Variants in VSIG10 observed in about 807,000 individuals in gnomAD.
VSIG10 encodes V-set and immunoglobulin domain-containing protein 10.
VSIG10 carries 48 observed loss-of-function variants against 58.7 expected under a neutral mutation model. The ratio of observed to expected loss-of-function variants is 0.82; its 90% CI spans 0.65 to 1.04. The LOEUF (loss-of-function observed/expected upper bound fraction) is 1.04. VSIG10 is among the 50% of genes least tolerant of loss of function. The pLI is 0.00. For synonymous variants in VSIG10, 260 were observed against 267.1 expected (o/e 0.97, Z 0.26); for missense variants, 628 against 670.0 (o/e 0.94, Z 0.69).
At chr12:118,079,652 G>A in intron 3 of VSIG10, 46 bp from the exon 4 acceptor site, 1 of 1,603,314 alleles carries the variant, frequency 6.2e-7, no homozygotes, top group South Asian at 1.1e-5. Context: ...CAGACTCTAG[G>A]ATCAGCCACT....
At chr12:118,089,555 G>A (rs764693082) in intron 2 of VSIG10, among the ~76,000 whole-genome samples, 12 of 152,282 alleles carry the variant, frequency 7.9e-5, no homozygotes, top group Admixed American at 4.6e-4. Context: ...GCACTTGCCC[G>A]TAGGCTCACA....
chr12:118,069,502 C>T (rs1462315338), intron 7 of VSIG10, among the ~76,000 whole-genome samples: 1 of 148,084 alleles, frequency 6.8e-6, no homozygotes. Flanking sequence ...CATGGCTCAC[C>T]GCAACCTCTG....
intron 2 of VSIG10, among the ~76,000 whole-genome samples, chr12:118,085,306 T>C (rs2033088169): frequency 1.3e-5 from 2 of 152,166 alleles, no homozygotes; most frequent in Admixed American, 1.3e-4. Context: ...CATCACTGGC[T>C]AGAGAGGAGG....
At chr12:118,096,578 C>CAAA (rs371525608) in intron 1 of VSIG10, among the ~76,000 whole-genome samples, 1 of 116,782 alleles carries the variant, frequency 8.6e-6, no homozygotes, top group African/African-American at 3.2e-5. Flanking sequence ...AACTCCGTCT[C>CAAA]AAAAAAAAAA....
intron 2 of VSIG10, among the ~76,000 whole-genome samples, chr12:118,090,454 A>G (rs566965822): frequency 7.9e-5 from 12 of 152,296 alleles, no homozygotes; most frequent in African/African-American, 2.9e-4. Context: ...ACTTCCACAT[A>G]TCTTTTTGGG....
At chr12:118,097,491 T>C (rs935784372) in intron 1 of VSIG10, among the ~76,000 whole-genome samples, 1 of 150,444 alleles carries the variant, frequency 6.6e-6, no homozygotes, top group Admixed American at 6.7e-5. Context: ...GGCGCACACC[T>C]GTAGTCCCAG....
chr12:118,091,337 A>G (rs1317002756), intron 2 of VSIG10, among the ~76,000 whole-genome samples: 2 of 151,808 alleles, frequency 1.3e-5, no homozygotes, highest in African/African-American at 4.8e-5. Context: ...CTAAAAATAC[A>G]AAAAATTAGC....
chr12:118,095,917 T>C, intron 1 of VSIG10, 103 bp from the exon 2 acceptor site: 2 of 1,290,728 alleles, frequency 1.5e-6, no homozygotes, highest in Admixed American at 3.0e-5. Context: ...AAATCAGGTA[T>C]ATGTTCTTTT....
At position 118,078,937 on chromosome 12, in the gene VSIG10, T is replaced by TAAAAAAAAAAAA. The variant is rs35469920; in HGVS notation, c.925+397_925+408dup. Among the ~76,000 whole-genome samples the TAAAAAAAAAAAA allele has an allele frequency of 1.8e-3, 72 of 39,914 alleles. 1 individual carries two copies. The highest frequency in any genetic ancestry group is 6.2e-3 in the African/African-American group (67 of 10,774). The allele number at this position is 39,914 out of a possible 152,430, so 26.2% of individuals were successfully genotyped here. On this transcript the variant is annotated intron_variant, in intron 4 of 8. Transcript: ENST00000359236. ...CTGGGCAACAGAGCAAGACTCTGCC[T>TAAAAAAAAAAAA]AAAAAAAAAAAAAAAAAAAAAAAAA... is the stretch of plus-strand genomic sequence containing the variant.
Position 118,082,245 on chromosome 12 carries a change from T to G in VSIG10, c.546A>C (p.Thr182=), listed in dbSNP as rs757751090. 2 of 1,613,890 alleles carry G rather than the reference T, an allele frequency of 1.2e-6. No individual in the cohort carries two copies. The highest frequency in any genetic ancestry group is 1.7e-6 in the Non-Finnish European group (2 of 1,179,874). Residue 182 remains threonine (T), a synonymous_variant, in exon 3 of 9, where the codon ACA becomes ACC. Coordinates refer to ENST00000359236, the MANE Select transcript of VSIG10 (RefSeq NM_019086.6). ...SSSESFGHNL[T]VNFFSLLLIS... is the part of the protein sequence containing the mutation. Reference sequence around the variant, plus strand: ...TCAGTAACAGTGAGAAAAAGTTGACTGTCAGGTTGTGGCCAAAGGACTCGC... The same window carrying G: ...TCAGTAACAGTGAGAAAAAGTTGACGGTCAGGTTGTGGCCAAAGGACTCGC...
Position 118,068,201 on chromosome 12 carries a change from T to TC in VSIG10, c.1567+175_1567+176insG, listed in dbSNP as rs1593487522. Among the ~76,000 whole-genome samples, 2 of 144,398 alleles carry TC rather than the reference T, an allele frequency of 1.4e-5. 1 individual carries two copies. Among genetic ancestry groups the TC allele is most frequent in the African/African-American group, 5.1e-5 (2 of 39,332 alleles). 94.7% of individuals were successfully genotyped at this position (144,398 alleles called of 152,430 possible). On this transcript the variant is annotated intron_variant, in intron 8 of 8. Coordinates refer to ENST00000359236, the MANE Select transcript of VSIG10 (RefSeq NM_019086.6). Reference sequence around the variant, plus strand: ...CATGACCGGCTAATTTTTCTTTTTTTTTTTTTTTTTTTTCGTAGAGACAGA... The same window carrying TC: ...CATGACCGGCTAATTTTTCTTTTTTTCTTTTTTTTTTTTTCGTAGAGACAGA...
intron 2 of VSIG10, among the ~76,000 whole-genome samples, chr12:118,092,212 C>T (rs765697765): frequency 6.6e-6 from 1 of 152,126 alleles, no homozygotes; most frequent in Non-Finnish European, 1.5e-5. Context: ...TGCATGACAC[C>T]ATGCCCAGCT....
intron 3 of VSIG10, among the ~76,000 whole-genome samples, chr12:118,081,350 G>A (rs558486568): frequency 1.1e-4 from 17 of 151,790 alleles, no homozygotes; most frequent in African/African-American, 2.7e-4. Flanking sequence ...TTTTTGAGAC[G>A]GAGTCTCGCC....
intron 1 of VSIG10, among the ~76,000 whole-genome samples, chr12:118,097,496 T>C (rs1415342649): frequency 4.0e-5 from 6 of 149,860 alleles, no homozygotes; most frequent in Non-Finnish European, 8.9e-5. Context: ...ACACCTGTAG[T>C]CCCAGCTACT....
At chr12:118,070,191 C>T (rs549802995) in intron 7 of VSIG10, among the ~76,000 whole-genome samples, 3 of 152,190 alleles carry the variant, frequency 2.0e-5, no homozygotes, top group East Asian at 1.9e-4. Flanking sequence ...TTGGTTCCTT[C>T]GCCCCTACTG....
chr12:118,068,258 C>A, intron 8 of VSIG10, 119 bp downstream of exon 8: 11 of 594,326 alleles, frequency 1.9e-5, no homozygotes, highest in Admixed American at 3.3e-5. Context: ...TAGTCTTGAA[C>A]TTCTGGGCTT....
At chr12:118,103,078 G>C (rs2033659999) in intron 1 of VSIG10, 1 of 152,466 alleles carries the variant, frequency 6.6e-6, no homozygotes, top group Non-Finnish European at 1.5e-5. Context: ...AGTAAAGGCG[G>C]AAGACCCCGC....
Position 118,064,312 on chromosome 12 carries a change from G to T in VSIG10, c.*2327C>A, listed in dbSNP as rs761710102. On this transcript the variant is annotated 3_prime_UTR_variant, in exon 9 of 9. Coordinates refer to ENST00000359236, the MANE Select transcript of VSIG10 (RefSeq NM_019086.6). ...TAGTGTTTGACACCAGGACCATGAA[G>T]CTCCCATTTGGTAGTGGAAAAACCC... 6.6e-6 allele frequency: 1 copy of T among 152,204 alleles called. No individual in the cohort carries two copies. Among genetic ancestry groups the T allele is most frequent in the Non-Finnish European group, 1.5e-5 (1 of 68,042 alleles). 9.4% of individuals were successfully genotyped at this position (152,204 alleles called of 1,614,324 possible). A position where few individuals can be genotyped will look rare whatever the true frequency, so the allele number is the denominator to read the frequency against.
At chr12:118,070,944 G>C in intron 7 of VSIG10, 108 bp downstream of exon 7, 5 of 1,305,420 alleles carry the variant, frequency 3.8e-6, no homozygotes, top group Non-Finnish European at 5.4e-6. Context: ...CACATCGTAG[G>C]TCCTCAATGG....
Sources: allele counts gnomAD v4.1 joint callset (sites outside exome capture counted in the v4.1 genomes callset), GRCh38; gene constraint gnomAD v4.1.1; transcripts MANE v1.5; gene names NCBI Gene and HGNC (gene_info 2026-07-23, HGNC 2026-07-21).